The following CASR variants were observed in gnomAD, a reference collection of about 807,000 sequenced individuals.
The protein encoded by CASR is extracellular calcium-sensing receptor.
In CASR, 23 loss-of-function variants were observed where a neutral mutation model predicts 69.1. The ratio of observed to expected loss-of-function variants is 0.33; its 90% confidence interval spans 0.24 to 0.47. The LOEUF (loss-of-function observed/expected upper bound fraction) is 0.47. Ranked by LOEUF, CASR falls within the 20% of genes least tolerant of loss-of-function variation. The pLI, the probability that CASR is intolerant of heterozygous loss-of-function variation, is 1.00. For missense variants in CASR, 924 were observed against 1,356.1 expected, an observed-to-expected ratio of 0.68 and a Z score of 5.00; for synonymous variants, 541 against 544.7, an observed-to-expected ratio of 0.99 and a Z score of 0.10.
chr3:122,227,584 G>A (rs932809156), intron 1 of CASR, among the ~76,000 whole-genome samples: 2 of 152,208 alleles, frequency 1.3e-5, no homozygotes, highest in East Asian at 1.9e-4. Context: ...CGAGCTGAGC[G>A]AACAGGCTCT....
chr3:122,226,590 T>G (rs1052413250), intron 1 of CASR, among the ~76,000 whole-genome samples: 3 of 152,198 alleles, frequency 2.0e-5, no homozygotes, highest in Non-Finnish European at 2.9e-5. Context: ...TTTGACAGGG[T>G]GCTGATTGGT....
intron 1 of CASR, among the ~76,000 whole-genome samples, chr3:122,203,979 T>C (rs2073982134): frequency 6.6e-6 from 1 of 152,318 alleles, no homozygotes; most frequent in Admixed American, 6.5e-5. Context: ...TGATGAATAA[T>C]AGACATACAT....
At chr3:122,233,699 G>T (rs552754941) in intron 1 of CASR, among the ~76,000 whole-genome samples, 63 of 152,242 alleles carry the variant, frequency 4.1e-4, no homozygotes, top group African/African-American at 1.4e-3. Context: ...GGCGGTTGTG[G>T]TATTTCTGTT....
At chr3:122,217,716 A>G (rs1485067465) in intron 1 of CASR, among the ~76,000 whole-genome samples, 1 of 152,198 alleles carries the variant, frequency 6.6e-6, no homozygotes, top group Non-Finnish European at 1.5e-5. Flanking sequence ...AGGACTAAAA[A>G]CTATAGTTAT....
At chr3:122,272,127 GAGT>G (rs1448276453) in intron 4 of CASR, among the ~76,000 whole-genome samples, 1 of 121,694 alleles carries the variant, frequency 8.2e-6, no homozygotes, top group Non-Finnish European at 1.9e-5. Flanking sequence ...ACACACACAC[GAGT>G]AGGATTGTTG....
intron 4 of CASR, among the ~76,000 whole-genome samples, chr3:122,273,390 G>C (rs1469179732): frequency 2.6e-5 from 4 of 152,176 alleles, no homozygotes; most frequent in African/African-American, 9.7e-5. Context: ...CTAATCCATA[G>C]AGGTGTTGTG....
At chr3:122,208,106 T>G (rs1225895463) in intron 1 of CASR, among the ~76,000 whole-genome samples, 1 of 151,938 alleles carries the variant, frequency 6.6e-6, no homozygotes, top group African/African-American at 2.4e-5. Flanking sequence ...ATGTTATTTT[T>G]GAGAAACTTT....
intron 3 of CASR, among the ~76,000 whole-genome samples, chr3:122,259,062 CCT>C (rs998413553): frequency 2.6e-5 from 4 of 152,056 alleles, no homozygotes; most frequent in African/African-American, 7.2e-5. Context: ...GAAATTCTCC[CCT>C]CTTACAATAA....
chr3:122,276,190 C>T, intron 5 of CASR, 148 bp downstream of exon 5: 2 of 691,914 alleles, frequency 2.9e-6, no homozygotes, highest in Admixed American at 2.1e-5. Flanking sequence ...TCTTGGGGCT[C>T]CCTGTGAAAT....
intron 1 of CASR, among the ~76,000 whole-genome samples, chr3:122,238,076 C>T (rs1559948660): frequency 6.6e-6 from 1 of 152,164 alleles, no homozygotes; most frequent in Non-Finnish European, 1.5e-5. Context: ...CAAAAAAGCA[C>T]CATCAAAAGA....
rs943161078 is a variant in CASR at position 122,287,220 on chromosome 3, G to A, written c.*2029G>A. ...AATGTGACATACTTCTCCCTCCAGG[G>A]TTTGACTTCAATGTCCATGTCACCC... On this transcript the variant is annotated 3_prime_UTR_variant, in exon 7 of 7. Transcript: ENST00000639785. 6.6e-6 allele frequency: 1 copy of A among 152,236 alleles called. No individual in the cohort carries two copies. Among genetic ancestry groups the A allele is most frequent in the Admixed American group, 6.5e-5 (1 of 15,286 alleles). 9.4% of individuals were successfully genotyped at this position (152,236 alleles called of 1,614,324 possible).
intron 1 of CASR, among the ~76,000 whole-genome samples, chr3:122,212,240 C>A (rs1212289565): frequency 1.3e-5 from 2 of 152,100 alleles, no homozygotes; most frequent in African/African-American, 4.8e-5. Flanking sequence ...AAAAAGAAAC[C>A]AGATCATGTC....
chr3:122,250,836 C>CTT (rs1419344461), intron 1 of CASR, among the ~76,000 whole-genome samples: 2 of 150,810 alleles, frequency 1.3e-5, no homozygotes, highest in Non-Finnish European at 3.0e-5. Flanking sequence ...GAAAAAGTTA[C>CTT]TTTTTTTTTT....
At chr3:122,260,493 C>CT (rs968347069) in intron 3 of CASR, among the ~76,000 whole-genome samples, 1 of 152,206 alleles carries the variant, frequency 6.6e-6, no homozygotes, top group African/African-American at 2.4e-5. Context: ...GTCAAGCAGG[C>CT]TCAGCCATCA....
In CASR at chr3:122,284,979, C is replaced by T. The variant is rs1256856876; in HGVS notation, c.3025C>T (p.Arg1009Ter). Reference protein sequence around the residue: ...EAQKSSDTLTRHEPLLPLQCG... With the variant: ...EAQKSSDTLT ...CCAGAAAAGCAGCGATACGCTGACC[C>T]GACACGAGCCATTACTCCCGCTGCA... is the stretch of plus-strand genomic sequence containing the variant. Residue 1009 changes from arginine (R) to a stop codon, truncating the protein, a stop_gained, in exon 7 of 7, where the codon CGA becomes TGA. Coordinates refer to ENST00000639785, the MANE Select transcript of CASR (RefSeq NM_000388.4). LOFTEE classifies it low-confidence loss of function (END_TRUNC). 6.2e-7 allele frequency: 1 copy of T among 1,614,194 alleles called. No individual in the cohort carries two copies. The highest frequency in any genetic ancestry group is 2.2e-5 in the East Asian group (1 of 44,886).
At chr3:122,240,439 G>A (rs1490967075) in intron 1 of CASR, among the ~76,000 whole-genome samples, 1 of 152,164 alleles carries the variant, frequency 6.6e-6, no homozygotes, top group Admixed American at 6.5e-5. Context: ...AAGAGATGAA[G>A]AAGGTCGTTA....
chr3:122,248,027 G>T (rs1459889561), intron 1 of CASR, among the ~76,000 whole-genome samples: 1 of 152,168 alleles, frequency 6.6e-6, no homozygotes, highest in East Asian at 1.9e-4. Context: ...CACACCTGTT[G>T]TCAGGGAGAT....
At chr3:122,248,317 A>C (rs562109030) in intron 1 of CASR, among the ~76,000 whole-genome samples, 1 of 152,232 alleles carries the variant, frequency 6.6e-6, no homozygotes, top group African/African-American at 2.4e-5. Flanking sequence ...CTCTTCAGCA[A>C]GAGGTAAAGG....
intron 4 of CASR, among the ~76,000 whole-genome samples, chr3:122,273,566 T>G (rs2074782963): frequency 6.6e-6 from 1 of 152,162 alleles, no homozygotes; most frequent in Non-Finnish European, 1.5e-5. Flanking sequence ...ATGATTAGGA[T>G]GAAACATTTG....
Sources: allele counts gnomAD v4.1 joint callset (sites outside exome capture counted in the v4.1 genomes callset), GRCh38; gene constraint gnomAD v4.1.1; transcripts MANE v1.5; gene names NCBI Gene and HGNC (gene_info 2026-07-23, HGNC 2026-07-21).